Variants in STK3 observed in about 807,000 individuals in gnomAD.
STK3 encodes the protein serine/threonine kinase 3.
A neutral mutation model predicts 58.0 loss-of-function variants in STK3; 41 were observed. The observed-to-expected ratio is 0.71, with a 90% CI of 0.55 to 0.92. The LOEUF (loss-of-function observed/expected upper bound fraction) is 0.92, where lower values mean the gene tolerates loss of function less well. Among genes scored for constraint, STK3 ranks in the 40% least tolerant of loss-of-function variants. The probability of loss-of-function intolerance (pLI) is 0.00; values close to 1 mark genes in which losing one functional copy is unlikely to be tolerated. For synonymous variants in STK3, 170 were observed against 191.0 expected, an observed-to-expected ratio of 0.89 and a Z score of 0.91; for missense variants, 479 against 602.7, an observed-to-expected ratio of 0.79 and a Z score of 2.15.
chr8:98,783,919 G>A (rs975298177), intron 1 of STK3, among the ~76,000 whole-genome samples: 1 of 152,146 alleles, frequency 6.6e-6, no homozygotes, highest in African/African-American at 2.4e-5. Flanking sequence ...AGACACCTCA[G>A]ATCCAAGGAA....
intron 10 of STK3, among the ~76,000 whole-genome samples, chr8:98,499,475 A>C (rs750980396): frequency 6.6e-6 from 1 of 152,186 alleles, no homozygotes; most frequent in Non-Finnish European, 1.5e-5. Context: ...CAGAGGCTAG[A>C]AGGAGTGGGA....
intron 10 of STK3, among the ~76,000 whole-genome samples, chr8:98,523,960 A>G: frequency 6.6e-6 from 1 of 152,068 alleles, no homozygotes. Flanking sequence ...TCTCATATGT[A>G]TTTCCTACTA....
chr8:98,923,859 G>A lies in STK3; in HGVS notation c.-79+18519C>T, dbSNP rs1002488180. Among the ~76,000 whole-genome samples, 8 of 73,650 alleles carry A rather than the reference G, an allele frequency of 1.1e-4. 1 individual carries two copies. Among genetic ancestry groups the A allele is most frequent in the East Asian group, 1.1e-3 (2 of 1,760 alleles). The allele number at this position is 73,650 out of a possible 152,430, so 48.3% of individuals were successfully genotyped here. On this transcript the variant is annotated intron_variant, in intron 1 of 1. Transcript: ENST00000519420. ...TGTGTGTGTGTGTGTGTGTGTGCGC[G>A]CGCGCGCGCGCGCGCGCGTTGACAA...
At chr8:98,746,781 T>G (rs1465123221) in intron 4 of STK3, among the ~76,000 whole-genome samples, 1 of 152,162 alleles carries the variant, frequency 6.6e-6, no homozygotes, top group East Asian at 1.9e-4. Flanking sequence ...CTCACATCAG[T>G]AATCCCAGCA....
At chr8:98,791,785 CCTCATCT>C (rs897291172) in intron 1 of STK3, among the ~76,000 whole-genome samples, 1 of 152,182 alleles carries the variant, frequency 6.6e-6, no homozygotes, top group African/African-American at 2.4e-5. Flanking sequence ...GAAACTGGAT[CCTCATCT>C]CTCACCTTAT....
chr8:98,781,557 C>T (rs1403261059), intron 1 of STK3, among the ~76,000 whole-genome samples: 1 of 152,108 alleles, frequency 6.6e-6, no homozygotes, highest in East Asian at 1.9e-4. Context: ...AAGAACTCCA[C>T]GAATACAAAG....
chr8:98,655,985 G>T (rs1050785332), intron 6 of STK3, among the ~76,000 whole-genome samples: 2 of 152,168 alleles, frequency 1.3e-5, no homozygotes, highest in Non-Finnish European at 2.9e-5. Context: ...CCATTACTGG[G>T]TATATACCCA....
At position 98,428,789 on chromosome 8, in the gene STK3, CT is replaced by C. The variant is rs1435346833; in HGVS notation, n.483+5337del. 1 of 1,614,240 alleles carries C rather than the reference CT, an allele frequency of 6.2e-7. No homozygotes were observed. Among genetic ancestry groups the C allele is most frequent in the Non-Finnish European group, 8.5e-7 (1 of 1,180,050 alleles). On this transcript the variant is annotated intron_variant and non_coding_transcript_variant, in intron 3 of 3. Transcript: ENST00000517832. The surrounding 1 kb of genome is among the most constrained non-coding windows in gnomAD (Gnocchi z 6.7). Reference sequence around the variant, plus strand: ...TTATTGACCTCATGTCCATCGTCCCCTTTTACATCACTCTGGTGGTGAACCT... The same window carrying C: ...TTATTGACCTCATGTCCATCGTCCCCTTTACATCACTCTGGTGGTGAACCT...
chr8:98,940,269 C>A (rs1342267850), intron 1 of STK3, among the ~76,000 whole-genome samples: 1 of 152,250 alleles, frequency 6.6e-6, no homozygotes, highest in Admixed American at 6.5e-5. Context: ...CATCTTGCGA[C>A]TAGCGAGGGG....
intron 2 of STK3, among the ~76,000 whole-genome samples, chr8:98,378,734 C>T (rs1237495758): frequency 2.0e-5 from 3 of 152,232 alleles, no homozygotes; most frequent in Non-Finnish European, 1.5e-5. Flanking sequence ...TCTCTGGCTG[C>T]TTTCATATTG....
chr8:98,501,839 G>A (rs887323184), intron 10 of STK3, among the ~76,000 whole-genome samples: 1 of 152,210 alleles, frequency 6.6e-6, no homozygotes, highest in Non-Finnish European at 1.5e-5. Context: ...CAGGTAGCGT[G>A]ATGCCTCCAG....
intron 1 of STK3, among the ~76,000 whole-genome samples, chr8:98,801,974 C>T (rs1833583632): frequency 6.6e-6 from 1 of 152,140 alleles, no homozygotes; most frequent in Non-Finnish European, 1.5e-5. Flanking sequence ...GAATTCAAAA[C>T]TAGCCTGGGC....
intron 1 of STK3, among the ~76,000 whole-genome samples, chr8:98,795,103 AATATATATATAT>A (rs1222756810): frequency 5.4e-4 from 35 of 64,716 alleles, no homozygotes; most frequent in African/African-American, 2.0e-3. Flanking sequence ...AAAAAAAAAA[AATATATATATAT>A]ATATATATAT....
chr8:98,757,279 C>G (rs2131390733), intron 3 of STK3, among the ~76,000 whole-genome samples: 1 of 150,454 alleles, frequency 6.6e-6, no homozygotes, highest in African/African-American at 2.4e-5. Flanking sequence ...CTCCCGGGTT[C>G]AAGCGATTCG....
chr8:98,447,646 AG>A (rs1382073041), intron 1 of STK3, among the ~76,000 whole-genome samples: 1 of 126,122 alleles, frequency 7.9e-6, no homozygotes, highest in Non-Finnish European at 1.7e-5. Context: ...TACTATATAT[AG>A]TATCTGTATA....
intron 6 of STK3, among the ~76,000 whole-genome samples, chr8:98,676,811 A>G (rs55807423): frequency 0.032 from 4,827 of 152,296 alleles, 98 homozygotes; most frequent in South Asian, 0.06. Flanking sequence ...ATATTTTTAA[A>G]AGCTGGTTAA....
intron 3 of STK3, among the ~76,000 whole-genome samples, chr8:98,832,384 A>G (rs1381451826): frequency 2.6e-5 from 4 of 152,000 alleles, no homozygotes; most frequent in African/African-American, 9.7e-5. Context: ...ATTTACATGC[A>G]TTAAAATTAA....
chr8:98,941,196 AG>A (rs1277769146), intron 1 of STK3, among the ~76,000 whole-genome samples: 1 of 152,246 alleles, frequency 6.6e-6, no homozygotes, highest in African/African-American at 2.4e-5. Context: ...AGCCCTGCTG[AG>A]AGCACGGGCG....
chr8:98,889,671 A>G (rs914562414), intron 1 of STK3: 1 of 152,204 alleles, frequency 6.6e-6, no homozygotes, highest in African/African-American at 2.4e-5. Flanking sequence ...TTTTACCCTC[A>G]ACGAATGCAT....
Sources: gnomAD v4.1 joint callset for allele counts (sites outside exome capture counted in the v4.1 genomes callset) on GRCh38, gnomAD v4.1.1 for gene constraint, Gnocchi (gnomAD v3.1) non-coding constraint, MANE v1.5 for transcripts, NCBI Gene and HGNC (gene_info 2026-07-23, HGNC 2026-07-21) for gene names.